LHFPL3: variants seen among roughly 807,000 people sequenced by gnomAD.
The protein encoded by LHFPL3 is LHFPL tetraspan subfamily member 3.
In LHFPL3, 5 loss-of-function variants were observed where a neutral mutation model predicts 19.3. The observed-to-expected ratio is 0.26, with a 90% CI of 0.14 to 0.54. The LOEUF is 0.54. Ranked by LOEUF, LHFPL3 falls within the 20% of genes least tolerant of loss-of-function variation. LHFPL3 has a pLI of 0.94. For synonymous variants in LHFPL3, 133 were observed against 126.2 expected (o/e 1.05, Z -0.36); for missense variants, 249 against 307.4 (o/e 0.81, Z 1.42).
chr7:104,343,884 T>C (rs893993313), intron 1 of LHFPL3, among the ~76,000 whole-genome samples: 1 of 152,160 alleles, frequency 6.6e-6, no homozygotes, highest in Non-Finnish European at 1.5e-5. Flanking sequence ...TCTTATAGTT[T>C]TATCAGTGAT....
intron 1 of LHFPL3, among the ~76,000 whole-genome samples, chr7:104,391,685 T>C (rs922865013): frequency 4.6e-5 from 7 of 152,168 alleles, no homozygotes; most frequent in African/African-American, 1.4e-4. Flanking sequence ...TTTGGTTCTA[T>C]ATGAACTTTA....
intron 1 of LHFPL3, among the ~76,000 whole-genome samples, chr7:104,571,988 A>G (rs563558046): frequency 1.4e-4 from 21 of 152,336 alleles, no homozygotes; most frequent in African/African-American, 5.1e-4. Flanking sequence ...TTTCTCCCAG[A>G]GTTAACCACC....
At chr7:104,780,361 A>G (rs1040951676) in intron 2 of LHFPL3, among the ~76,000 whole-genome samples, 1 of 152,104 alleles carries the variant, frequency 6.6e-6, no homozygotes. Flanking sequence ...CCTCCTCCCT[A>G]AACTTTCTCT....
At chr7:104,443,291 C>T (rs1321594608) in intron 1 of LHFPL3, among the ~76,000 whole-genome samples, 1 of 152,174 alleles carries the variant, frequency 6.6e-6, no homozygotes, top group Admixed American at 6.5e-5. Flanking sequence ...TGCGATAACA[C>T]CCACACTGGA....
At chr7:104,842,093 T>C (rs987000145) in intron 2 of LHFPL3, among the ~76,000 whole-genome samples, 12 of 151,798 alleles carry the variant, frequency 7.9e-5, no homozygotes, top group African/African-American at 2.9e-4. Context: ...GACAGCACTT[T>C]TATAGAGGAT....
At chr7:104,556,912 A>G (rs909379315) in intron 1 of LHFPL3, among the ~76,000 whole-genome samples, 18 of 152,176 alleles carry the variant, frequency 1.2e-4, no homozygotes, top group African/African-American at 3.6e-4. Context: ...AAGTTCCACA[A>G]ATCTCTAGGG....
At chr7:104,484,313 T>TC (rs147281102) in intron 1 of LHFPL3, among the ~76,000 whole-genome samples, 3,076 of 152,166 alleles carry the variant, frequency 0.02, 78 homozygotes, top group East Asian at 0.055. Flanking sequence ...CAAAGCACAC[T>TC]CCCTGCTACA....
chr7:104,603,162 C>T (rs774982727), intron 1 of LHFPL3, among the ~76,000 whole-genome samples: 62 of 128,584 alleles, frequency 4.8e-4, no homozygotes, highest in East Asian at 2.4e-3. Context: ...TTCCTTCCTT[C>T]CTTTCTTTCT....
chr7:104,671,276 T>C (rs1475362646), intron 1 of LHFPL3, among the ~76,000 whole-genome samples: 4 of 152,126 alleles, frequency 2.6e-5, no homozygotes, highest in African/African-American at 9.7e-5. Context: ...AAAAAAACTA[T>C]TGATTGTAGA....
At chr7:104,602,860 A>G (rs1036522748) in intron 1 of LHFPL3, among the ~76,000 whole-genome samples, 3 of 152,140 alleles carry the variant, frequency 2.0e-5, no homozygotes, top group Admixed American at 6.6e-5. Context: ...GAAGGGCAAG[A>G]GAATGCTAAA....
In LHFPL3 at chr7:104,829,487, T is replaced by C. The variant is rs938500897; in HGVS notation, c.683-76700T>C. Among the ~76,000 whole-genome samples the C allele has an allele frequency of 3.0e-3, 445 of 149,908 alleles. 6 individuals are homozygous for C. The highest frequency in any genetic ancestry group is 7.7e-3 in the African/African-American group (316 of 40,892). ...TAATGCTATCCCTCCCCCATCCCCC[T>C]ACCCCACAACAGTCCCCGGAGTGTG... is the stretch of plus-strand genomic sequence containing the variant. On this transcript the variant is annotated intron_variant, in intron 2 of 2. Coordinates refer to ENST00000424859, the MANE Select transcript of LHFPL3 (RefSeq NM_199000.3).
Position 104,887,277 on chromosome 7 carries a change from T to A in LHFPL3, c.683-18910T>A, listed in dbSNP as rs144159939. Among the ~76,000 whole-genome samples the A allele has an allele frequency of 1.6e-3, 237 of 152,278 alleles. 2 individuals are homozygous for A. Among genetic ancestry groups the A allele is most frequent in the African/African-American group, 5.5e-3 (228 of 41,578 alleles). ...TATAAGAATATTACCCTAGCTTGGGTTCCCCCATAGATAGATGCTGACACG... is the reference window on the plus strand; with the variant it reads ...TATAAGAATATTACCCTAGCTTGGGATCCCCCATAGATAGATGCTGACACG... On this transcript the variant is annotated intron_variant, in intron 2 of 2. Coordinates refer to ENST00000424859, the MANE Select transcript of LHFPL3 (RefSeq NM_199000.3).
chr7:104,494,402 G>A (rs1793416515), intron 1 of LHFPL3, among the ~76,000 whole-genome samples: 1 of 152,054 alleles, frequency 6.6e-6, no homozygotes, highest in South Asian at 2.1e-4. Context: ...AACCTTGTCT[G>A]CCACATTCAT....
chr7:104,690,985 C>A (rs1792896089), intron 1 of LHFPL3, among the ~76,000 whole-genome samples: 1 of 152,196 alleles, frequency 6.6e-6, no homozygotes, highest in Non-Finnish European at 1.5e-5. Flanking sequence ...ATAGATGAAT[C>A]ACAGCGGAGG....
At chr7:104,623,079 TA>T in intron 1 of LHFPL3, 1 of 263,256 alleles carries the variant, frequency 3.8e-6, no homozygotes, top group South Asian at 3.6e-5. Context: ...ATATCTTCTT[TA>T]GAGAAATGCC....
chr7:104,668,997 G>T (rs1442293937), intron 1 of LHFPL3: 56 of 1,612,078 alleles, frequency 3.5e-5, no homozygotes, highest in Non-Finnish European at 4.7e-5. Context: ...AACGGTCGAG[G>T]ACAGGAAGTG....
intron 2 of LHFPL3, among the ~76,000 whole-genome samples, chr7:104,854,841 C>T (rs898679873): frequency 2.0e-5 from 3 of 152,156 alleles, no homozygotes; most frequent in African/African-American, 7.2e-5. Context: ...AGTACAGCAC[C>T]TTGGCCCTTC....
intron 2 of LHFPL3, among the ~76,000 whole-genome samples, chr7:104,902,348 T>C (rs1792504023): frequency 6.6e-6 from 1 of 151,270 alleles, no homozygotes; most frequent in African/African-American, 2.4e-5. Flanking sequence ...TGTGCCGCTG[T>C]AGTCAAGAAG....
intron 1 of LHFPL3, among the ~76,000 whole-genome samples, chr7:104,401,949 G>A (rs2116494933): frequency 6.6e-6 from 1 of 152,244 alleles, no homozygotes. Context: ...AAGTAGCAAA[G>A]AGTGTCTAGC....
Sources: gnomAD v4.1 joint callset for allele counts (sites outside exome capture counted in the v4.1 genomes callset) on GRCh38, gnomAD v4.1.1 for gene constraint, MANE v1.5 for transcripts, NCBI Gene and HGNC (gene_info 2026-07-23, HGNC 2026-07-21) for gene names.